Variants in RORA observed in about 807,000 individuals in gnomAD.
The protein encoded by RORA is RAR related orphan receptor A, also known as nuclear receptor ROR-alpha.
Under a neutral mutation model 69.5 loss-of-function variants are expected in RORA, and 7 were observed. The ratio of observed to expected loss-of-function variants is 0.10; its 90% CI spans 0.06 to 0.19. RORA has a LOEUF of 0.19. Ranked by LOEUF, RORA falls within the 10% of genes least tolerant of loss-of-function variation. RORA has a pLI of 1.00. For missense variants in RORA, 457 were observed against 663.0 expected (o/e 0.69, Z 3.41); for synonymous variants, 261 against 240.8 (o/e 1.08, Z -0.78).
Position 61,136,483 on chromosome 15 carries a change from T to A in RORA, c.166+92570A>T, listed in dbSNP as rs114252357. Reference sequence around the variant, plus strand: ...AAGCAAAATCATTTAAGTCCTTTTTTTCTTTTAAAGGGTAGTTACTATTTT... The same window carrying A: ...AAGCAAAATCATTTAAGTCCTTTTTATCTTTTAAAGGGTAGTTACTATTTT... On this transcript the variant is annotated intron_variant, in intron 1 of 10. Transcript: ENST00000335670. Among the ~76,000 whole-genome samples the A allele has an allele frequency of 3.0e-3, 461 of 152,356 alleles. 2 individuals carry two copies. The highest frequency in any genetic ancestry group is 0.011 in the African/African-American group (443 of 41,574).
intron 1 of RORA, among the ~76,000 whole-genome samples, chr15:60,766,163 T>C (rs1392538248): frequency 6.6e-6 from 1 of 152,070 alleles, no homozygotes; most frequent in Non-Finnish European, 1.5e-5. Flanking sequence ...TTGTTGAAAA[T>C]AGTTCTGCTC....
chr15:61,050,126 T>C (rs1050968457), intron 1 of RORA, among the ~76,000 whole-genome samples: 5 of 152,238 alleles, frequency 3.3e-5, no homozygotes, highest in African/African-American at 4.8e-5. Context: ...AGAAAACTAC[T>C]GCCCATGTGG....
intron 1 of RORA, among the ~76,000 whole-genome samples, chr15:60,937,136 C>T (rs558944506): frequency 1.2e-4 from 19 of 152,184 alleles, no homozygotes; most frequent in African/African-American, 4.1e-4. Context: ...ATGAGGAAAC[C>T]GAGGCATACA....
intron 1 of RORA, among the ~76,000 whole-genome samples, chr15:61,194,689 G>A (rs760770161): frequency 2.0e-4 from 31 of 152,128 alleles, no homozygotes; most frequent in Non-Finnish European, 3.1e-4. Flanking sequence ...ACATTTCAGC[G>A]TGGCAGTAAA....
intron 1 of RORA, among the ~76,000 whole-genome samples, chr15:60,820,534 G>C (rs925245725): frequency 6.6e-6 from 1 of 151,934 alleles, no homozygotes; most frequent in African/African-American, 2.4e-5. Context: ...TTTAAGATTT[G>C]AGGGAAAAAA....
intron 1 of RORA, among the ~76,000 whole-genome samples, chr15:61,166,219 C>T (rs1235468899): frequency 9.9e-5 from 15 of 151,944 alleles, no homozygotes; most frequent in Admixed American, 9.2e-4. Flanking sequence ...CTGAGGACCT[C>T]GATGAAGATG....
At chr15:60,952,363 C>T (rs1381808387) in intron 1 of RORA, among the ~76,000 whole-genome samples, 1 of 152,140 alleles carries the variant, frequency 6.6e-6, no homozygotes, top group Non-Finnish European at 1.5e-5. Flanking sequence ...TGAAAGCATT[C>T]CCTTTGAAAA....
At chr15:61,078,361 G>C (rs1310396667) in intron 1 of RORA, among the ~76,000 whole-genome samples, 1 of 151,454 alleles carries the variant, frequency 6.6e-6, no homozygotes, top group Non-Finnish European at 1.5e-5. Context: ...GTGTGTGTGT[G>C]TGTGTGTGTG....
chr15:61,207,680 G>T (rs2079954744), intron 1 of RORA, among the ~76,000 whole-genome samples: 1 of 152,200 alleles, frequency 6.6e-6, no homozygotes, highest in Admixed American at 6.5e-5. Context: ...GTTTCCCTCT[G>T]TGGGTTTGTT....
chr15:60,785,133 A>T (rs976334338), intron 1 of RORA, among the ~76,000 whole-genome samples: 1 of 152,256 alleles, frequency 6.6e-6, no homozygotes, highest in Non-Finnish European at 1.5e-5. Context: ...CCACTTGTAC[A>T]TTCATTACAG....
At chr15:60,878,170 C>CAAAAAAAA (rs11362081) in intron 1 of RORA, among the ~76,000 whole-genome samples, 51 of 69,668 alleles carry the variant, frequency 7.3e-4, no homozygotes, top group East Asian at 1.5e-3. Context: ...ACTAAAAATA[C>CAAAAAAAA]AAAAAAAAAA....
rs144343370 is a variant in RORA, at chr15:60,892,746, A to T, written c.167-214060T>A. Among the ~76,000 whole-genome samples the T allele has an allele frequency of 3.3e-5, 5 of 152,220 alleles. No homozygotes were observed. The East Asian group carries it at 9.7e-4, about 29-fold the overall frequency. ...AATATACTTAGAATGGTTTCATTAG[A>T]TAAACTCTTTCCCTATCTTACTGTG... On this transcript the variant is annotated intron_variant, in intron 1 of 10. Transcript: ENST00000335670.
At chr15:60,783,309 T>C (rs2072289836) in intron 1 of RORA, among the ~76,000 whole-genome samples, 1 of 152,192 alleles carries the variant, frequency 6.6e-6, no homozygotes, top group African/African-American at 2.4e-5. Flanking sequence ...AGCTGTTTTC[T>C]TGTCCACCTC....
At chr15:60,577,835 T>C (rs1042289345) in intron 2 of RORA, among the ~76,000 whole-genome samples, 1 of 152,194 alleles carries the variant, frequency 6.6e-6, no homozygotes, top group African/African-American at 2.4e-5. Context: ...AAAGTTAGCA[T>C]GAAGAATACC....
At chr15:60,774,159 A>T (rs1161891342) in intron 1 of RORA, among the ~76,000 whole-genome samples, 2 of 152,162 alleles carry the variant, frequency 1.3e-5, no homozygotes, top group Non-Finnish European at 2.9e-5. Context: ...GCTTCTGGGG[A>T]TTCCTAAAAG....
intron 1 of RORA, among the ~76,000 whole-genome samples, chr15:61,164,715 A>G (rs1176003661): frequency 6.6e-6 from 1 of 152,088 alleles, no homozygotes; most frequent in Non-Finnish European, 1.5e-5. Flanking sequence ...AATTAACACT[A>G]TGTTCTGTAC....
At chr15:60,869,215 G>A (rs548041895) in intron 1 of RORA, among the ~76,000 whole-genome samples, 1 of 152,336 alleles carries the variant, frequency 6.6e-6, no homozygotes, top group Non-Finnish European at 1.5e-5. Context: ...TGACCTTTGT[G>A]TAAGGAGTTG....
chr15:60,749,416 C>T (rs4775295), intron 1 of RORA, among the ~76,000 whole-genome samples: 6 of 151,978 alleles, frequency 3.9e-5, no homozygotes, highest in Non-Finnish European at 7.4e-5. Flanking sequence ...TTTTTTCTAA[C>T]TAATATTCTA....
chr15:61,157,685 C>A (rs576104012), intron 1 of RORA, among the ~76,000 whole-genome samples: 2 of 152,166 alleles, frequency 1.3e-5, no homozygotes, highest in African/African-American at 4.8e-5. Flanking sequence ...TTAAGCAGCT[C>A]TCTCCCATTA....
Sources: gnomAD v4.1 joint callset for allele counts (sites outside exome capture counted in the v4.1 genomes callset) on GRCh38, gnomAD v4.1.1 for gene constraint, MANE v1.5 for transcripts, NCBI Gene and HGNC (gene_info 2026-07-23, HGNC 2026-07-21) for gene names.